PRKN: variants seen among roughly 807,000 people sequenced by gnomAD.
PRKN encodes E3 ubiquitin-protein ligase parkin.
In PRKN, 56 loss-of-function variants were observed where a neutral mutation model predicts 59.5. The observed-to-expected ratio is 0.94, with a 90% confidence interval of 0.76 to 1.18. The LOEUF (loss-of-function observed/expected upper bound fraction) is 1.18, where lower values mean the gene tolerates loss of function less well. Among genes scored for constraint, PRKN ranks in the 50% most tolerant of loss-of-function variants. The pLI, the probability that PRKN is intolerant of heterozygous loss-of-function variation, is 0.00. For missense variants in PRKN, 657 were observed against 596.4 expected (o/e 1.10, Z -1.06); for synonymous variants, 250 against 222.1 (o/e 1.13, Z -1.12).
chr6:162,525,026 C>G (rs570089191), intron 1 of PRKN, among the ~76,000 whole-genome samples: 4 of 152,206 alleles, frequency 2.6e-5, no homozygotes, highest in Admixed American at 2.6e-4. Context: ...ATATGCTTTC[C>G]TACTCTCCAA....
intron 11 of PRKN, among the ~76,000 whole-genome samples, chr6:161,351,120 A>C (rs1784533783): frequency 8.0e-6 from 1 of 125,332 alleles, no homozygotes. Context: ...ATATATATAA[A>C]TATATTTTTA....
intron 2 of PRKN, among the ~76,000 whole-genome samples, chr6:162,430,701 T>C (rs1204727328): frequency 6.6e-6 from 1 of 152,068 alleles, no homozygotes. Flanking sequence ...AGGCAGATTA[T>C]ACCAAGGGGC....
intron 4 of PRKN, among the ~76,000 whole-genome samples, chr6:162,196,058 G>A (rs1784481616): frequency 6.6e-6 from 1 of 152,144 alleles, no homozygotes; most frequent in Non-Finnish European, 1.5e-5. Flanking sequence ...TATCCCAGGG[G>A]CTTTGCTTTC....
chr6:162,193,073 A>G (rs1268415265), intron 4 of PRKN, among the ~76,000 whole-genome samples: 2 of 152,218 alleles, frequency 1.3e-5, no homozygotes, highest in Non-Finnish European at 2.9e-5. Context: ...AGGGATCTCT[A>G]TTAAAGAAGC....
intron 3 of PRKN, among the ~76,000 whole-genome samples, chr6:162,243,400 G>A (rs750778868): frequency 1.3e-4 from 20 of 151,956 alleles, no homozygotes; most frequent in Non-Finnish European, 2.8e-4. Flanking sequence ...AGAAAAAGGG[G>A]AATATTGTTC....
At chr6:162,160,890 C>CAAAAAAAAAAA (rs56320816) in intron 4 of PRKN, among the ~76,000 whole-genome samples, 53 of 80,268 alleles carry the variant, frequency 6.6e-4, no homozygotes, top group African/African-American at 2.7e-3. Flanking sequence ...GACTCCGTCT[C>CAAAAAAAAAAA]AAAAAAAAAA....
intron 7 of PRKN, among the ~76,000 whole-genome samples, chr6:161,704,661 T>C (rs1419423341): frequency 2.0e-5 from 3 of 152,164 alleles, no homozygotes; most frequent in Non-Finnish European, 4.4e-5. Context: ...GTCATCTCCC[T>C]GAGCCTGTGC....
intron 5 of PRKN, among the ~76,000 whole-genome samples, chr6:162,044,574 T>G (rs184681731): frequency 6.6e-6 from 1 of 152,226 alleles, no homozygotes; most frequent in Non-Finnish European, 1.5e-5. Flanking sequence ...TTCAAAGTCA[T>G]GAGGACTGGA....
At chr6:162,596,716 T>G (rs1781508231) in intron 1 of PRKN, among the ~76,000 whole-genome samples, 1 of 152,304 alleles carries the variant, frequency 6.6e-6, no homozygotes, top group East Asian at 1.9e-4. Flanking sequence ...ACCCTTTTCA[T>G]AGAACCCAAT....
chr6:161,872,758 T>C (rs933996552), intron 6 of PRKN, among the ~76,000 whole-genome samples: 1 of 152,102 alleles, frequency 6.6e-6, no homozygotes, highest in African/African-American at 2.4e-5. Flanking sequence ...TAAGAGCACC[T>C]GAGCCCTCTG....
intron 3 of PRKN, among the ~76,000 whole-genome samples, chr6:162,223,643 A>G (rs535364975): frequency 9.7e-6 from 1 of 102,662 alleles, no homozygotes; most frequent in Non-Finnish European, 1.8e-5. Context: ...ACACACACAC[A>G]CACACACACA....
chr6:161,945,433 T>C (rs955009691), intron 6 of PRKN, among the ~76,000 whole-genome samples: 1 of 152,196 alleles, frequency 6.6e-6, no homozygotes, highest in Non-Finnish European at 1.5e-5. Context: ...CATATATCTG[T>C]CTCTTTGAAT....
Position 161,390,886 on chromosome 6 carries a change from T to C in PRKN, c.1084-4009A>G, listed in dbSNP as rs1470975024. Among the ~76,000 whole-genome samples the C allele has an allele frequency of 6.6e-6, 1 of 152,176 alleles. No homozygotes were observed. Among genetic ancestry groups the C allele is most frequent in the Non-Finnish European group, 1.5e-5 (1 of 68,046 alleles). On this transcript the variant is annotated intron_variant, in intron 9 of 11. Coordinates refer to ENST00000366898, the MANE Select transcript of PRKN (RefSeq NM_004562.3). The surrounding 1 kb of genome is among the most constrained non-coding windows in gnomAD (Gnocchi z 7.0). ...AACTATTAAGTCGTTATGACATTAA[T>C]TCTTACTATGCTACGTGGTACAAAA... is the stretch of plus-strand genomic sequence containing the variant.
chr6:162,227,106 C>T (rs56857445), intron 3 of PRKN, among the ~76,000 whole-genome samples: 20,023 of 152,168 alleles, frequency 0.13, 1,455 homozygotes, highest in South Asian at 0.26. Context: ...TTTAACTTTA[C>T]GTAACTATCC....
rs183375761 is a variant in PRKN, at chr6:161,777,886, A to G, written c.871+7886T>C. ...TATGTATATGTATACGTATATATGT[A>G]TATATATGTATACATATATATGTGT... is the stretch of plus-strand genomic sequence containing the variant. On this transcript the variant is annotated intron_variant, in intron 7 of 11. Transcript: ENST00000366898. Among the ~76,000 whole-genome samples, 874 of 135,374 alleles carry G rather than the reference A, an allele frequency of 6.5e-3. 9 individuals are homozygous for G. The highest frequency in any genetic ancestry group is 0.01 in the Non-Finnish European group (651 of 63,158). 88.8% of individuals were successfully genotyped at this position (135,374 alleles called of 152,430 possible). A position where few individuals can be genotyped will look rare whatever the true frequency, so the allele number is the denominator to read the frequency against.
At chr6:162,048,087 T>C (rs1252733626) in intron 5 of PRKN, among the ~76,000 whole-genome samples, 2 of 152,050 alleles carry the variant, frequency 1.3e-5, no homozygotes, top group Non-Finnish European at 2.9e-5. Flanking sequence ...AGAAAAAAAA[T>C]GTTTGATGTA....
chr6:162,676,357 A>G (rs191298312), intron 1 of PRKN, among the ~76,000 whole-genome samples: 62 of 152,306 alleles, frequency 4.1e-4, no homozygotes, highest in Admixed American at 1.2e-3. Flanking sequence ...AAATATCAAA[A>G]AAAAAATAGC....
At chr6:161,635,747 G>A (rs1295643506) in intron 7 of PRKN, among the ~76,000 whole-genome samples, 3 of 152,140 alleles carry the variant, frequency 2.0e-5, no homozygotes, top group Admixed American at 6.5e-5. Context: ...AGAGTCCCAG[G>A]TAGGTGAAGA....
At chr6:161,849,190 C>T (rs920884456) in intron 6 of PRKN, among the ~76,000 whole-genome samples, 1 of 152,112 alleles carries the variant, frequency 6.6e-6, no homozygotes, top group Non-Finnish European at 1.5e-5. Context: ...CAGTTTGTTC[C>T]TCTGGGTCTC....
Sources: gnomAD v4.1 joint callset for allele counts (sites outside exome capture counted in the v4.1 genomes callset) on GRCh38, gnomAD v4.1.1 for gene constraint, Gnocchi (gnomAD v3.1) non-coding constraint, MANE v1.5 for transcripts, NCBI Gene and HGNC (gene_info 2026-07-23, HGNC 2026-07-21) for gene names.